NALF1: variants seen among roughly 807,000 people sequenced by gnomAD.
NALF1 encodes the protein NALCN channel auxiliary factor 1, also known as family with sequence similarity 155 member A.
NALF1 carries 3 observed loss-of-function variants against 48.4 expected under a neutral mutation model. That is an observed-to-expected ratio of 0.06 (90% confidence interval 0.03 to 0.16). NALF1 has a LOEUF of 0.16. Ranked by LOEUF, NALF1 falls within the 10% of genes least tolerant of loss-of-function variation. NALF1 has a pLI of 1.00. For synonymous variants in NALF1, 262 were observed against 245.7 expected, an observed-to-expected ratio of 1.07 and a Z score of -0.62; for missense variants, 526 against 571.5, an observed-to-expected ratio of 0.92 and a Z score of 0.81.
intron 1 of NALF1, among the ~76,000 whole-genome samples, chr13:107,800,034 T>C (rs1878554611): frequency 6.6e-6 from 1 of 152,190 alleles, no homozygotes. Flanking sequence ...GAGGTGCTAA[T>C]GTTTATTCTG....
chr13:107,384,904 C>T (rs1883502473), intron 1 of NALF1, among the ~76,000 whole-genome samples: 1 of 152,214 alleles, frequency 6.6e-6, no homozygotes, highest in South Asian at 2.1e-4. Context: ...GGGAGTCAGG[C>T]TGCCTGAGTT....
chr13:107,817,144 TAGA>T (rs1879192189), intron 1 of NALF1, among the ~76,000 whole-genome samples: 2 of 152,040 alleles, frequency 1.3e-5, no homozygotes, highest in Admixed American at 1.3e-4. Context: ...GTGATGAAAA[TAGA>T]AGTAGGTGAG....
At chr13:107,182,573 T>A (rs1404337914) in intron 2 of NALF1, among the ~76,000 whole-genome samples, 2 of 152,166 alleles carry the variant, frequency 1.3e-5, no homozygotes, top group African/African-American at 4.8e-5. Context: ...CTCGGCCCTA[T>A]GTGACCATAC....
chr13:107,816,472 A>G (rs1879166415), intron 1 of NALF1, among the ~76,000 whole-genome samples: 1 of 152,136 alleles, frequency 6.6e-6, no homozygotes, highest in Non-Finnish European at 1.5e-5. Context: ...TTATAAAACC[A>G]TAAGATCTCG....
chr13:107,476,970 TA>T (rs1885184353), intron 1 of NALF1, among the ~76,000 whole-genome samples: 1 of 152,148 alleles, frequency 6.6e-6, no homozygotes, highest in South Asian at 2.1e-4. Flanking sequence ...AATATGACCT[TA>T]AAAATTATTT....
chr13:107,516,066 T>C (rs778242937), intron 1 of NALF1, among the ~76,000 whole-genome samples: 6 of 152,104 alleles, frequency 3.9e-5, no homozygotes, highest in Non-Finnish European at 8.8e-5. Flanking sequence ...AAAAGGAAAA[T>C]GTTCACTGGG....
chr13:107,557,237 T>G (rs79413169), intron 1 of NALF1, among the ~76,000 whole-genome samples: 475 of 152,312 alleles, frequency 3.1e-3, no homozygotes, highest in Non-Finnish European at 5.4e-3. Context: ...TTGTAACCCT[T>G]TTAGCACAGA....
intron 1 of NALF1, among the ~76,000 whole-genome samples, chr13:107,235,033 T>G (rs576567608): frequency 3.9e-5 from 6 of 152,318 alleles, no homozygotes; most frequent in East Asian, 3.9e-4. Context: ...TTCCTTTGGA[T>G]AGGAAAGCCT....
At chr13:107,776,946 G>C (rs1296315972) in intron 1 of NALF1, among the ~76,000 whole-genome samples, 1 of 151,984 alleles carries the variant, frequency 6.6e-6, no homozygotes, top group Non-Finnish European at 1.5e-5. Context: ...TAAAAACTTA[G>C]CCAGGCATGG....
chr13:107,205,105 A>G (rs1879609087), intron 2 of NALF1, among the ~76,000 whole-genome samples: 1 of 151,896 alleles, frequency 6.6e-6, no homozygotes, highest in Middle Eastern at 3.2e-3. Flanking sequence ...AGCTGCACCC[A>G]CTAACTCGTC....
intron 1 of NALF1, among the ~76,000 whole-genome samples, chr13:107,817,306 T>G (rs947324164): frequency 1.6e-4 from 25 of 152,218 alleles, no homozygotes; most frequent in Admixed American, 1.3e-4. Flanking sequence ...ATTTTGAGTA[T>G]GAAAACAACA....
intron 1 of NALF1, among the ~76,000 whole-genome samples, chr13:107,455,040 A>T (rs768531067): frequency 6.6e-6 from 1 of 152,120 alleles, no homozygotes; most frequent in African/African-American, 2.4e-5. Context: ...TCATGGGGGC[A>T]ATTTCCTCCA....
At chr13:107,857,269 G>T (rs1880462583) in intron 1 of NALF1, among the ~76,000 whole-genome samples, 1 of 152,108 alleles carries the variant, frequency 6.6e-6, no homozygotes, top group African/African-American at 2.4e-5. Flanking sequence ...ACTAACTATG[G>T]CTGACTGGAT....
At chr13:107,368,328 T>TTA (rs1458928856) in intron 1 of NALF1, among the ~76,000 whole-genome samples, 1 of 151,946 alleles carries the variant, frequency 6.6e-6, no homozygotes, top group East Asian at 1.9e-4. Flanking sequence ...TACTTTTTTT[T>TTA]TTTTTTGAGA....
At chr13:107,680,361 C>G (rs1445916651) in intron 1 of NALF1, among the ~76,000 whole-genome samples, 1 of 152,090 alleles carries the variant, frequency 6.6e-6, no homozygotes, top group East Asian at 1.9e-4. Context: ...TCCCTGAAAG[C>G]TGAATTATTT....
intron 1 of NALF1, among the ~76,000 whole-genome samples, chr13:107,407,481 C>T (rs930643787): frequency 2.6e-5 from 4 of 151,978 alleles, no homozygotes; most frequent in Non-Finnish European, 5.9e-5. Context: ...AGAAGACATA[C>T]AAATGGCAAA....
chr13:107,705,908 T>C (rs1881935714), intron 1 of NALF1, among the ~76,000 whole-genome samples: 1 of 152,054 alleles, frequency 6.6e-6, no homozygotes, highest in Non-Finnish European at 1.5e-5. Context: ...AGTTAACTAG[T>C]ATTTTTCCAG....
intron 1 of NALF1, among the ~76,000 whole-genome samples, chr13:107,298,351 CAAAAAAAAAAA>C (rs1192707023): frequency 5.4e-4 from 9 of 16,626 alleles, no homozygotes; most frequent in South Asian, 0.013. Context: ...GACTCCATCT[CAAAAAAAAAAA>C]AAAAAAAAAA....
intron 1 of NALF1, among the ~76,000 whole-genome samples, chr13:107,822,933 G>A (rs910586870): frequency 2.2e-4 from 33 of 152,114 alleles, no homozygotes; most frequent in Admixed American, 1.1e-3. Flanking sequence ...GAGAAAGTCT[G>A]CTCTTCCTTC....
Sources: gnomAD v4.1 joint callset for allele counts (sites outside exome capture counted in the v4.1 genomes callset) on GRCh38, gnomAD v4.1.1 for gene constraint, MANE v1.5 for transcripts, NCBI Gene and HGNC (gene_info 2026-07-23, HGNC 2026-07-21) for gene names.